Variants in CCDC83 observed in about 807,000 individuals in gnomAD.
CCDC83 encodes coiled-coil domain-containing protein 83.
CCDC83 carries 54 observed loss-of-function variants against 50.1 expected under a neutral mutation model. That is an observed-to-expected ratio of 1.08 (90% confidence interval 0.87 to 1.35). The LOEUF (loss-of-function observed/expected upper bound fraction) is 1.35, where lower values mean the gene tolerates loss of function less well. Among genes scored for constraint, CCDC83 ranks in the 40% most tolerant of loss-of-function variants. CCDC83 has a pLI of 0.00. For synonymous variants in CCDC83, 161 were observed against 153.3 expected (o/e 1.05, Z -0.37); for missense variants, 518 against 473.9 (o/e 1.09, Z -0.86).
intron 3 of CCDC83, among the ~76,000 whole-genome samples, chr11:85,876,770 G>C (rs1005148096): frequency 1.3e-5 from 2 of 152,198 alleles, no homozygotes; most frequent in Non-Finnish European, 2.9e-5. Flanking sequence ...TTCCCAAAAT[G>C]TTGGGATTAC....
intron 7 of CCDC83, among the ~76,000 whole-genome samples, chr11:85,906,576 C>A (rs180823284): frequency 1.1e-4 from 17 of 152,190 alleles, no homozygotes; most frequent in Admixed American, 9.8e-4. Context: ...ACAAAAAGAG[C>A]TTTATAATAA....
intron 7 of CCDC83, among the ~76,000 whole-genome samples, chr11:85,905,158 G>A (rs767716557): frequency 4.6e-5 from 7 of 152,098 alleles, no homozygotes; most frequent in East Asian, 1.9e-4. Flanking sequence ...TTAGCCAGGC[G>A]TGGGCCAGGC....
At chr11:85,896,449 C>A (rs1341847949) in intron 6 of CCDC83, among the ~76,000 whole-genome samples, 1 of 140,174 alleles carries the variant, frequency 7.1e-6, no homozygotes, top group Admixed American at 7.1e-5. Context: ...AAATTCTCCA[C>A]AATCTGAAAT....
chr11:85,873,179 T>C (rs748632914), intron 2 of CCDC83, 32 bp from the exon 3 acceptor site: 22 of 1,186,204 alleles, frequency 1.9e-5, no homozygotes, highest in Non-Finnish European at 2.5e-5. Context: ...AGATAAATGA[T>C]TCTAACACAT....
chr11:85,858,085 A>G (rs772980416), intron 1 of CCDC83, among the ~76,000 whole-genome samples: 2 of 152,196 alleles, frequency 1.3e-5, no homozygotes, highest in Non-Finnish European at 2.9e-5. Context: ...AATGCACACC[A>G]CATCATCCTG....
intron 9 of CCDC83, 84 bp downstream of exon 9, chr11:85,915,582 G>T: frequency 1.1e-6 from 1 of 916,550 alleles, no homozygotes; most frequent in Non-Finnish European, 1.7e-6. Context: ...TTGTGAGCAG[G>T]TGCCCCACAT....
intron 3 of CCDC83, among the ~76,000 whole-genome samples, chr11:85,879,602 A>C (rs981661144): frequency 6.6e-6 from 1 of 151,724 alleles, no homozygotes; most frequent in Non-Finnish European, 1.5e-5. Context: ...AAATTTGATA[A>C]GGATAAGTTT....
At chr11:85,862,384 A>C (rs552353107) in intron 1 of CCDC83, among the ~76,000 whole-genome samples, 1 of 152,268 alleles carries the variant, frequency 6.6e-6, no homozygotes, top group Non-Finnish European at 1.5e-5. Flanking sequence ...ATGGCCACAA[A>C]AGGGAGGTCA....
intron 7 of CCDC83, among the ~76,000 whole-genome samples, chr11:85,910,664 T>C (rs976510382): frequency 2.6e-5 from 4 of 152,226 alleles, no homozygotes; most frequent in Admixed American, 2.0e-4. Flanking sequence ...ATACCTAAGT[T>C]CAGCAGTGTT....
intron 2 of CCDC83, among the ~76,000 whole-genome samples, chr11:85,871,183 A>G (rs1442925971): frequency 6.6e-6 from 1 of 152,120 alleles, no homozygotes; most frequent in African/African-American, 2.4e-5. Context: ...ACAAACAAAC[A>G]AACAAACAAT....
chr11:85,893,403 A>G (rs900424236), intron 5 of CCDC83, among the ~76,000 whole-genome samples: 16 of 152,270 alleles, frequency 1.1e-4, no homozygotes, highest in African/African-American at 3.6e-4. Context: ...CTCCTGGTCA[A>G]TTGAAAGACC....
Position 85,874,262 on chromosome 11 carries a change from G to T in CCDC83, c.180+967G>T, listed in dbSNP as rs143975442. Among the ~76,000 whole-genome samples, 301 of 152,318 alleles carry T rather than the reference G, an allele frequency of 2.0e-3. 1 individual carries two copies. The highest frequency in any genetic ancestry group is 7.0e-3 in the African/African-American group (289 of 41,574). ...TAATAGGGACTAAAACAGAAGCTCA[G>T]TTTGGCCTGGTGCCTGAATGCAGGC... On this transcript the variant is annotated intron_variant, in intron 3 of 10. Coordinates refer to ENST00000342404, the MANE Select transcript of CCDC83 (RefSeq NM_001286159.2).
At position 85,887,294 on chromosome 11, in the gene CCDC83, T is replaced by C. The variant is rs926225887; in HGVS notation, c.511+927T>C. ...CAGAGACCCAGACACAGAAGAATCA[T>C]AGGACAGAATTAATGGGGGAAATCT... On this transcript the variant is annotated intron_variant, in intron 5 of 10. Transcript: ENST00000342404. 2.0e-5 allele frequency among the ~76,000 whole-genome samples: 3 copies of C among 152,118 alleles called. 1 individual carries two copies. The highest frequency in any genetic ancestry group is 4.1e-4 in the South Asian group (2 of 4,828).
chr11:85,863,669 C>A (rs1014325102), intron 1 of CCDC83, among the ~76,000 whole-genome samples: 1 of 152,226 alleles, frequency 6.6e-6, no homozygotes, highest in Non-Finnish European at 1.5e-5. Context: ...AGTTTCTCCA[C>A]TTTGGAGCTG....
At chr11:85,912,670 T>A (rs780212171) in intron 8 of CCDC83, 3 of 1,609,394 alleles carry the variant, frequency 1.9e-6, no homozygotes, top group Non-Finnish European at 2.6e-6. Flanking sequence ...TACATTCCTG[T>A]CCCACCTCTA....
chr11:85,902,749 T>C (rs7949837), intron 7 of CCDC83, among the ~76,000 whole-genome samples: 55,798 of 151,948 alleles, frequency 0.37, 11,261 homozygotes, highest in African/African-American at 0.52. Flanking sequence ...CCCCTCCACC[T>C]TCCCCACCCT....
chr11:85,916,809 A>G (rs1227955200), intron 10 of CCDC83: 1 of 152,784 alleles, frequency 6.5e-6, no homozygotes, highest in Admixed American at 6.6e-5. Flanking sequence ...GCAACCCTAG[A>G]GACCAAGATA....
At chr11:85,899,155 T>C (rs772557155) in intron 7 of CCDC83, 140 bp downstream of exon 7, 11 of 608,704 alleles carry the variant, frequency 1.8e-5, no homozygotes, top group Non-Finnish European at 3.2e-5. Context: ...AGTGGAGTCC[T>C]CATCTCATTA....
intron 5 of CCDC83, among the ~76,000 whole-genome samples, chr11:85,891,297 C>T (rs17148564): frequency 0.092 from 14,018 of 152,170 alleles, 695 homozygotes; most frequent in African/African-American, 0.11. Flanking sequence ...AACTGTTCCT[C>T]GGTCACCTGC....
Sources: allele counts gnomAD v4.1 joint callset (sites outside exome capture counted in the v4.1 genomes callset), GRCh38; gene constraint gnomAD v4.1.1; transcripts MANE v1.5; gene names NCBI Gene and HGNC (gene_info 2026-07-23, HGNC 2026-07-21).